The following SPMAP2L variants were observed in gnomAD, a reference collection of about 807,000 sequenced individuals.
SPMAP2L encodes sperm microtubule associated protein 2 like, also known as sperm microtubule associated protein 2-like.
the SPMAP2L span, among the ~76,000 whole-genome samples, chr4:56,538,470 G>A: frequency 1.3e-5 from 2 of 152,124 alleles, no homozygotes; most frequent in Non-Finnish European, 2.9e-5. Context: ...GAAGTCACAT[G>A]GTCATGAGAC....
At chr4:56,555,290 G>A in the SPMAP2L span, among the ~76,000 whole-genome samples, 1 of 152,082 alleles carries the variant, frequency 6.6e-6, no homozygotes, top group African/African-American at 2.4e-5. Flanking sequence ...CTATATTTGT[G>A]TGGATCTACT....
At chr4:56,552,696 C>T in the SPMAP2L span, 1 of 768,778 alleles carries the variant, frequency 1.3e-6, no homozygotes. Context: ...CCATCCACCT[C>T]TACTTAACTA....
At chr4:56,551,076 A>G in the SPMAP2L span, among the ~76,000 whole-genome samples, 1 of 152,226 alleles carries the variant, frequency 6.6e-6, no homozygotes, top group Non-Finnish European at 1.5e-5. Context: ...TTAATTAGGA[A>G]GGCCATTTCT....
the SPMAP2L span, among the ~76,000 whole-genome samples, chr4:56,578,232 G>C: frequency 6.6e-6 from 1 of 152,024 alleles, no homozygotes. Context: ...GGAGCGGGAG[G>C]GGATAGAGCT....
the SPMAP2L span, among the ~76,000 whole-genome samples, chr4:56,606,488 G>A: frequency 0.031 from 4,753 of 152,086 alleles, 156 homozygotes; most frequent in African/African-American, 0.081. Flanking sequence ...TTCCCATATA[G>A]GTGCCCTGAT....
the SPMAP2L span, among the ~76,000 whole-genome samples, chr4:56,599,362 C>CA: frequency 6.6e-6 from 1 of 151,952 alleles, no homozygotes; most frequent in East Asian, 1.9e-4. Flanking sequence ...TTTTTTTGCT[C>CA]AAAATTATTA....
At chr4:56,583,275 G>GA in the SPMAP2L span, among the ~76,000 whole-genome samples, 8 of 142,040 alleles carry the variant, frequency 5.6e-5, no homozygotes, top group South Asian at 4.5e-4. Context: ...CTCCATCTGA[G>GA]AAAAAAAAAT....
chr4:56,552,351 A>G, the SPMAP2L span, among the ~76,000 whole-genome samples: 1 of 152,332 alleles, frequency 6.6e-6, no homozygotes, highest in East Asian at 1.9e-4. Context: ...ATTATGTGCT[A>G]TATTAGTAAT....
the SPMAP2L span, among the ~76,000 whole-genome samples, chr4:56,571,479 A>G: frequency 6.6e-6 from 1 of 151,840 alleles, no homozygotes; most frequent in South Asian, 2.1e-4. Context: ...CACCTGGTTA[A>G]TTGTTTTGGA....
At chr4:56,599,163 A>G in the SPMAP2L span, among the ~76,000 whole-genome samples, 37 of 152,124 alleles carry the variant, frequency 2.4e-4, no homozygotes, top group South Asian at 5.8e-3. Flanking sequence ...GTATATATGT[A>G]TATATACACA....
the SPMAP2L span, among the ~76,000 whole-genome samples, chr4:56,534,969 A>C: frequency 1.3e-5 from 2 of 151,974 alleles, no homozygotes; most frequent in Non-Finnish European, 2.9e-5. Context: ...AAAAAACCAT[A>C]ATGTGCCCAC....
chr4:56,612,387 G>T, the SPMAP2L span, among the ~76,000 whole-genome samples: 2,389 of 151,998 alleles, frequency 0.016, 56 homozygotes, highest in African/African-American at 0.052. Flanking sequence ...TGTTGCCCAG[G>T]CTGGAGTGCA....
At chr4:56,618,874 A>T in the SPMAP2L span, among the ~76,000 whole-genome samples, 3 of 152,140 alleles carry the variant, frequency 2.0e-5, no homozygotes, top group Non-Finnish European at 4.4e-5. Context: ...ATAAACAGGA[A>T]GTTTGGGAGT....
At chr4:56,607,781 A>G in the SPMAP2L span, among the ~76,000 whole-genome samples, 1 of 152,140 alleles carries the variant, frequency 6.6e-6, no homozygotes, top group Non-Finnish European at 1.5e-5. Flanking sequence ...TGAGCCCAGG[A>G]GTCCAAGACC....
chr4:56,579,476 T>TAA, the SPMAP2L span, among the ~76,000 whole-genome samples: 270 of 148,274 alleles, frequency 1.8e-3, 2 homozygotes, highest in African/African-American at 5.3e-3. Context: ...ATGCCTATAT[T>TAA]AAAAAAAAAA....
At chr4:56,615,035 A>C in the SPMAP2L span, among the ~76,000 whole-genome samples, 12 of 152,222 alleles carry the variant, frequency 7.9e-5, no homozygotes, top group Non-Finnish European at 1.8e-4. Context: ...ATACATCCTT[A>C]TGCTATTTGA....
the SPMAP2L span, among the ~76,000 whole-genome samples, chr4:56,558,810 T>C: frequency 6.6e-6 from 1 of 152,194 alleles, no homozygotes. Flanking sequence ...AAGTTATATT[T>C]GATGCTTTTT....
the SPMAP2L span, among the ~76,000 whole-genome samples, chr4:56,583,496 C>T: frequency 6.6e-6 from 1 of 151,946 alleles, no homozygotes; most frequent in Non-Finnish European, 1.5e-5. Flanking sequence ...AAAAACAAAA[C>T]CCAAACTAAT....
the SPMAP2L span, among the ~76,000 whole-genome samples, chr4:56,620,708 C>T: frequency 1.1e-3 from 162 of 152,340 alleles, no homozygotes; most frequent in African/African-American, 3.7e-3. Flanking sequence ...TTTTAAGGTG[C>T]ATGCAATTCA....
Sources: allele counts gnomAD v4.1 joint callset (sites outside exome capture counted in the v4.1 genomes callset), GRCh38; gene constraint gnomAD v4.1.1; transcripts MANE v1.5; gene names NCBI Gene and HGNC (gene_info 2026-07-23, HGNC 2026-07-21).